Variants in IREB2 observed in about 807,000 individuals in gnomAD.
The protein encoded by IREB2 is iron-responsive element-binding protein 2.
Under a neutral mutation model 118.8 loss-of-function variants are expected in IREB2, and 39 were observed. That is an observed-to-expected ratio of 0.33 (90% CI 0.25 to 0.43). The LOEUF is 0.43. Among genes scored for constraint, IREB2 ranks in the 20% least tolerant of loss-of-function variants. IREB2 has a pLI of 1.00. For synonymous variants in IREB2, 372 were observed against 392.2 expected (o/e 0.95, Z 0.61); for missense variants, 900 against 1,147.3 (o/e 0.78, Z 3.11).
At chr15:78,468,954 A>G (rs2051329710) in intron 5 of IREB2, among the ~76,000 whole-genome samples, 1 of 152,194 alleles carries the variant, frequency 6.6e-6, no homozygotes, top group African/African-American at 2.4e-5. Context: ...TTGATTCAAA[A>G]TCATTGATTT....
chr15:78,462,138 A>C (rs567483152), intron 2 of IREB2, among the ~76,000 whole-genome samples: 1 of 152,284 alleles, frequency 6.6e-6, no homozygotes, highest in South Asian at 2.1e-4. Flanking sequence ...AGCATACTAT[A>C]AACACTGTTC....
intron 2 of IREB2, among the ~76,000 whole-genome samples, chr15:78,454,381 G>A (rs778895981): frequency 2.6e-5 from 4 of 152,124 alleles, no homozygotes; most frequent in Admixed American, 1.3e-4. Context: ...GCTACAATGT[G>A]GATGAACTGT....
At position 78,448,305 on chromosome 15, in the gene IREB2, C is replaced by T. The variant is rs1231491405; in HGVS notation, c.106+8424C>T. 1.4e-4 allele frequency among the ~76,000 whole-genome samples: 22 copies of T among 152,082 alleles called. No individual in the cohort carries two copies. In the East Asian group the frequency reaches 3.1e-3, roughly 21 times the overall value. Reference sequence around the variant, plus strand: ...GATTACAGGTGCACGCCACCACGCCCGGCTGATTTCTATATTTTTAGTAGA... The same window carrying T: ...GATTACAGGTGCACGCCACCACGCCTGGCTGATTTCTATATTTTTAGTAGA... On this transcript the variant is annotated intron_variant, in intron 2 of 21. Transcript: ENST00000258886.
At chr15:78,442,883 A>G (rs2050866361) in intron 2 of IREB2, among the ~76,000 whole-genome samples, 1 of 152,232 alleles carries the variant, frequency 6.6e-6, no homozygotes, top group Admixed American at 6.5e-5. Context: ...TGTACTTAAC[A>G]TAATTCCAGA....
upstream of IREB2, chr15:78,438,089 C>G (rs961680450): frequency 8.1e-6 from 4 of 494,708 alleles, no homozygotes; most frequent in African/African-American, 7.9e-5. Flanking sequence ...CGCGAGAAAT[C>G]GCTTTCTGGT....
At chr15:78,451,663 A>G (rs2051026996) in intron 2 of IREB2, among the ~76,000 whole-genome samples, 1 of 152,132 alleles carries the variant, frequency 6.6e-6, no homozygotes, top group Non-Finnish European at 1.5e-5. Context: ...CTCAAAGGAA[A>G]TGCTCATTGG....
chr15:78,493,768 C>T (rs1339191677), intron 18 of IREB2, 141 bp from the exon 19 acceptor site: 36 of 657,786 alleles, frequency 5.5e-5, no homozygotes, highest in East Asian at 1.6e-4. Context: ...TGGTGATAGG[C>T]GCATGGACAT....
intron 10 of IREB2, among the ~76,000 whole-genome samples, chr15:78,480,455 A>C (rs1243355634): frequency 6.7e-6 from 1 of 148,914 alleles, no homozygotes; most frequent in Non-Finnish European, 1.5e-5. Flanking sequence ...TGAGGCAGGC[A>C]GATCACCTCC....
chr15:78,443,027 G>A (rs999627175), intron 2 of IREB2, among the ~76,000 whole-genome samples: 1 of 152,148 alleles, frequency 6.6e-6, no homozygotes, highest in African/African-American at 2.4e-5. Context: ...TACTCATGGG[G>A]GATATGTTCC....
Position 78,465,242 on chromosome 15 carries a change from A to AT in IREB2, c.273-3dup. On this transcript the variant is annotated splice_polypyrimidine_tract_variant and intron_variant, in intron 3 of 21. Coordinates refer to ENST00000258886, the MANE Select transcript of IREB2 (RefSeq NM_004136.4). ...TTGGACTATAATTTGACCATTCTTT[A>AT]TTTTTTAGTGGAATACCAGCAATGG... is the stretch of plus-strand genomic sequence containing the variant. The AT allele has an allele frequency of 6.3e-7, 1 of 1,597,772 alleles. No homozygotes were observed. The highest frequency in any genetic ancestry group is 8.5e-7 in the Non-Finnish European group (1 of 1,173,488).
chr15:78,459,570 T>C (rs1465618285), intron 2 of IREB2, among the ~76,000 whole-genome samples: 2 of 152,102 alleles, frequency 1.3e-5, no homozygotes, highest in Non-Finnish European at 2.9e-5. Context: ...GGCTGGTCTG[T>C]AACTCTTGAC....
intron 18 of IREB2, among the ~76,000 whole-genome samples, chr15:78,492,588 C>G (rs1318756406): frequency 2.6e-5 from 4 of 151,920 alleles, no homozygotes; most frequent in Non-Finnish European, 5.9e-5. Context: ...TTTTTAGAGA[C>G]AGGGTCTCAC....
At chr15:78,462,038 T>C (rs984304138) in intron 2 of IREB2, among the ~76,000 whole-genome samples, 5 of 152,176 alleles carry the variant, frequency 3.3e-5, no homozygotes, top group African/African-American at 1.2e-4. Flanking sequence ...AAAATTATAT[T>C]TCTCATAATA....
At chr15:78,468,939 AT>A (rs1205477532) in intron 5 of IREB2, among the ~76,000 whole-genome samples, 1 of 152,194 alleles carries the variant, frequency 6.6e-6, no homozygotes, top group African/African-American at 2.4e-5. Flanking sequence ...GAAAAGGAAG[AT>A]TTATTGATTC....
chr15:78,476,801 G>A (rs2051479718), intron 9 of IREB2: 1 of 152,288 alleles, frequency 6.6e-6, no homozygotes, highest in Admixed American at 6.5e-5. Context: ...AACAACATAG[G>A]ACCACAGTTT....
chr15:78,485,707 CT>C lies in IREB2; in HGVS notation c.1580del (p.Leu527TrpfsTer16), dbSNP rs1254681145. On this transcript the variant is annotated frameshift_variant, in exon 13 of 22. Transcript: ENST00000258886. LOFTEE classifies it high-confidence loss of function. ...CNPSVMLAAG[L>X]LAKKAVEAGL... Reference sequence around the variant, plus strand: ...ATCATTGTTTGTTGGCTGTGCAGGTCTTTTGGCTAAAAAGGCTGTTGAAGCT... The same window carrying C: ...ATCATTGTTTGTTGGCTGTGCAGGTCTTTGGCTAAAAAGGCTGTTGAAGCT... The C allele has an allele frequency of 6.2e-7, 1 of 1,612,918 alleles. No individual in the cohort carries two copies. The highest frequency in any genetic ancestry group is 8.5e-7 in the Non-Finnish European group (1 of 1,179,560).
Position 78,449,031 on chromosome 15 carries a change from T to A in IREB2, c.106+9150T>A, listed in dbSNP as rs1448215098. ...CTTCATGATAAGCACGGAAGATAGT[T>A]TTAAATCTGTTGTGTACAGATAATA... On this transcript the variant is annotated intron_variant, in intron 2 of 21. Coordinates refer to ENST00000258886, the MANE Select transcript of IREB2 (RefSeq NM_004136.4). Among the ~76,000 whole-genome samples, 4 of 152,196 alleles carry A rather than the reference T, an allele frequency of 2.6e-5. No individual in the cohort carries two copies. In the East Asian group the frequency reaches 7.7e-4, roughly 29 times the overall value.
At chr15:78,467,712 C>A (rs2051308094) in intron 5 of IREB2, among the ~76,000 whole-genome samples, 3 of 152,074 alleles carry the variant, frequency 2.0e-5, no homozygotes, top group Admixed American at 2.0e-4. Context: ...AGTCATACAG[C>A]TTTTTAAAAT....
chr15:78,476,522 G>A (rs2051473929), intron 9 of IREB2, 163 bp downstream of exon 9: 2 of 508,792 alleles, frequency 3.9e-6, no homozygotes, highest in East Asian at 3.0e-5. Context: ...AAAGAGTGTT[G>A]TGTCCTCAAA....
Sources: gnomAD v4.1 joint callset for allele counts (sites outside exome capture counted in the v4.1 genomes callset) on GRCh38, gnomAD v4.1.1 for gene constraint, MANE v1.5 for transcripts, NCBI Gene and HGNC (gene_info 2026-07-23, HGNC 2026-07-21) for gene names.